MACF1: variants seen among roughly 807,000 people sequenced by gnomAD.
The protein encoded by MACF1 is microtubule-actin cross-linking factor 1.
In MACF1, 193 loss-of-function variants were observed where a neutral mutation model predicts 854.8. The observed-to-expected ratio is 0.23, with a 90% CI of 0.20 to 0.25. MACF1 has a LOEUF of 0.25. Ranked by LOEUF, MACF1 falls within the 10% of genes least tolerant of loss-of-function variation. The pLI is 1.00. For synonymous variants in MACF1, 3,185 were observed against 3,226.7 expected, an observed-to-expected ratio of 0.99 and a Z score of 0.44; for missense variants, 7,722 against 8,929.1, an observed-to-expected ratio of 0.86 and a Z score of 5.45.
chr1:39,284,400 G>A lies in MACF1; in HGVS notation c.1103G>A (p.Arg368Lys). 2 of 1,599,546 alleles carry A rather than the reference G, an allele frequency of 1.3e-6. No individual in the cohort carries two copies. Among genetic ancestry groups the A allele is most frequent in the Admixed American group, 1.8e-5 (1 of 56,034 alleles). ...CTGGCCAAGGAGAGAGAAAAAGGAA[G>A]AATTGAGGAATTATATAAATTACTA... is the stretch of plus-strand genomic sequence containing the variant. Reference protein sequence around the residue: ...EILAKEREKGRIEELYKLLEV... With the variant: ...EILAKEREKGKIEELYKLLEV... Residue 368 changes from arginine to lysine, a missense_variant, in exon 11 of 101, where the codon AGA becomes AAA. By Grantham distance (26) the Arg-to-Lys change is conservative (BLOSUM62 2). This residue lies in a region of MACF1 where 97 missense variants were observed against 130.4 expected (regional missense o/e 0.74). Coordinates refer to ENST00000564288, the MANE Select transcript of MACF1 (RefSeq NM_001394062.1).
At position 39,310,848 on chromosome 1, in the gene MACF1, G is replaced by T. The variant is rs1646285984; in HGVS notation, c.3118G>T (p.Val1040Leu). 1 of 1,612,522 alleles carries T rather than the reference G, an allele frequency of 6.2e-7. No individual in the cohort carries two copies. Among genetic ancestry groups the T allele is most frequent in the Non-Finnish European group, 8.5e-7 (1 of 1,179,264 alleles). Residue 1040 changes from valine to leucine, a missense_variant, in exon 26 of 101, where the codon GTG becomes TTG. Around this residue, in one of 15 missense-constraint regions of MACF1, gnomAD observed 1,137 missense variants for 1,263.0 expected, o/e 0.90. Transcript: ENST00000564288. Reference protein sequence around the residue: ...SMENEDKEETVAKMYISELKN... With the variant: ...SMENEDKEETLAKMYISELKN... ...ATTCACAGAGGACAAAGAGGAGACT[G>T]TGGCCAAGATGTACATTTCAGAGTT... is the stretch of plus-strand genomic sequence containing the variant.
In MACF1 at chr1:39,335,659, A is replaced by T. The variant is rs922913238; in HGVS notation, c.9071A>T (p.Glu3024Val). 1 of 1,614,080 alleles carries T rather than the reference A, an allele frequency of 6.2e-7. No individual in the cohort carries two copies. The highest frequency in any genetic ancestry group is 1.1e-5 in the South Asian group (1 of 91,040). ...KSQPREMTSS[E>V]KGKEADTEMG... ...CAACCTAGGGAAATGACCTCAAGTG[A>T]AAAAGGGAAAGAAGCTGATACAGAA... Residue 3024 changes from glutamate to valine, a missense_variant, in exon 37 of 101, where the codon GAA becomes GTA. By Grantham distance (121) the Glu-to-Val change is moderately radical. Coordinates refer to ENST00000564288, the MANE Select transcript of MACF1 (RefSeq NM_001394062.1).
chr1:39,170,865 A>C (rs1178364635), intron 2 of MACF1, among the ~76,000 whole-genome samples: 1 of 152,218 alleles, frequency 6.6e-6, no homozygotes. Context: ...TTGTTGAAAC[A>C]GATGGTTTCT....
At chr1:39,194,317 ATTTCTTTTCT>A (rs138791842) in intron 2 of MACF1, among the ~76,000 whole-genome samples, 42,534 of 104,472 alleles carry the variant, frequency 0.41, 10,928 homozygotes, top group South Asian at 0.63. Context: ...CAGAAGTGGA[ATTTCTTTTCT>A]TTTCTTTTCT....
chr1:39,318,892 C>T (rs1015193089), intron 30 of MACF1, among the ~76,000 whole-genome samples: 75 of 151,506 alleles, frequency 5.0e-4, no homozygotes, highest in Admixed American at 4.9e-3. Flanking sequence ...TTTTATATTA[C>T]ATTTTATTTT....
intron 1 of MACF1, among the ~76,000 whole-genome samples, chr1:39,214,192 T>C (rs1010911959): frequency 6.6e-6 from 1 of 152,158 alleles, no homozygotes; most frequent in African/African-American, 2.4e-5. Context: ...TAGGCCCTTA[T>C]CTGCAGCGGG....
At position 39,368,205 on chromosome 1, in the gene MACF1, G is replaced by C. The variant is rs1317294862; in HGVS notation, c.12829G>C (p.Val4277Leu). The C allele has an allele frequency of 3.1e-6, 5 of 1,614,122 alleles. No individual in the cohort carries two copies. Among genetic ancestry groups the C allele is most frequent in the Non-Finnish European group, 4.2e-6 (5 of 1,180,016 alleles). The change falls in exon 50 of 101, where the codon GTC (valine) becomes CTC (leucine). Residue 4277 changes from valine to leucine, a missense_variant. By Grantham distance (32) the Val-to-Leu change is conservative. This residue lies in a region of MACF1 where 2,807 missense variants were observed against 3,235.8 expected (regional missense o/e 0.87). Transcript: ENST00000564288. ...QENLDTLEHL[V>L]TELSSCGFAL... is the part of the protein sequence containing the mutation. Reference sequence around the variant, plus strand: ...GAACCTAGATACTCTTGAGCACCTGGTCACTGAACTGAGCTCTTGTGGCTT... The same window carrying C: ...GAACCTAGATACTCTTGAGCACCTGCTCACTGAACTGAGCTCTTGTGGCTT...
chr1:39,284,233 A>T, intron 10 of MACF1, 48 bp downstream of exon 10: 1 of 1,601,556 alleles, frequency 6.2e-7, no homozygotes, highest in Non-Finnish European at 8.5e-7. Context: ...TCTAGGGAGT[A>T]AGTCTCCAAG....
At chr1:39,357,991 C>T in intron 45 of MACF1, 98 bp downstream of exon 45, 1 of 1,232,462 alleles carries the variant, frequency 8.1e-7, no homozygotes, top group Non-Finnish European at 1.1e-6. Context: ...CTCCAGGACA[C>T]AGTAGGAGAG....
In MACF1 at chr1:39,293,512, A is replaced by G. The variant is rs1213906848; in HGVS notation, c.2047A>G (p.Arg683Gly). The change falls in exon 18 of 101, where the codon AGA becomes GGA. Residue 683 changes from arginine to glycine, a missense_variant. Arg to Gly is a moderately radical substitution (Grantham distance 125, BLOSUM62 -2). This residue lies in a region of MACF1 where 1,137 missense variants were observed against 1,263.0 expected (regional missense o/e 0.90). Transcript: ENST00000564288. ...TCAGAGCCTGCATAAATTTGTTTCC[A>G]GAGCTACAGCTGAGTTGATCTGGTT... is the stretch of plus-strand genomic sequence containing the variant. ...HLQSLHKFVS[R>G]ATAELIWLNE... 53 of 1,613,950 alleles carry G rather than the reference A, an allele frequency of 3.3e-5. No individual in the cohort carries two copies. The highest frequency in any genetic ancestry group is 4.1e-5 in the Non-Finnish European group (48 of 1,179,948).
At chr1:39,306,720 A>G (rs1646187259) in intron 23 of MACF1, among the ~76,000 whole-genome samples, 1 of 149,608 alleles carries the variant, frequency 6.7e-6, no homozygotes, top group Admixed American at 6.7e-5. Context: ...CTTATTTATT[A>G]GTGTACTCCC....
At chr1:39,201,709 A>G (rs1004608833), upstream of MACF1, among the ~76,000 whole-genome samples, 43 of 151,960 alleles carry the variant, frequency 2.8e-4, no homozygotes, top group Non-Finnish European at 5.1e-4. Flanking sequence ...AAAGCCCTCC[A>G]ATGGCTTCCC....
intron 2 of MACF1, among the ~76,000 whole-genome samples, chr1:39,134,980 C>T (rs1643127847): frequency 6.6e-6 from 1 of 152,134 alleles, no homozygotes; most frequent in African/African-American, 2.4e-5. Context: ...CACAATTCTA[C>T]TTTCTGTTTC....
intron 70 of MACF1, 132 bp from the exon 71 acceptor site, chr1:39,437,645 T>C: frequency 1.3e-6 from 1 of 795,748 alleles, no homozygotes; most frequent in South Asian, 1.4e-5. Flanking sequence ...CAACACTTAA[T>C]AGCCATTGGG....
chr1:39,414,374 A>G, intron 58 of MACF1: 1 of 1,613,960 alleles, frequency 6.2e-7, no homozygotes, highest in South Asian at 1.1e-5. Context: ...ATGTGGATCA[A>G]GGAGGACCTT....
chr1:39,340,616 C>T lies in MACF1; in HGVS notation c.10330C>T (p.Leu3444=). ...QEVPAQLLKA[L]EKDAKNLQKS... ...AGTTCCTGCTCAACTGTTGAAGGCT[C>T]TAGAGAAAGATGCCAAGAATCTTCA... The change falls in exon 39 of 101, where the codon CTA becomes TTA. Residue 3444 remains leucine (L), a synonymous_variant. Coordinates refer to ENST00000564288, the MANE Select transcript of MACF1 (RefSeq NM_001394062.1). 6.2e-7 allele frequency: 1 copy of T among 1,614,166 alleles called. No homozygotes were observed. Among genetic ancestry groups the T allele is most frequent in the African/African-American group, 1.3e-5 (1 of 75,036 alleles).
At chr1:39,094,801 A>G (rs1478839814) in intron 2 of MACF1, among the ~76,000 whole-genome samples, 2 of 151,900 alleles carry the variant, frequency 1.3e-5, no homozygotes, top group Non-Finnish European at 2.9e-5. Flanking sequence ...CTGAGGTGGG[A>G]GGATTGCTTG....
In MACF1 at chr1:39,340,822, C is replaced by A; in HGVS notation, c.10450C>A (p.His3484Asn). The A allele has an allele frequency of 6.2e-7, 1 of 1,613,080 alleles. No homozygotes were observed. Among genetic ancestry groups the A allele is most frequent in the Non-Finnish European group, 8.5e-7 (1 of 1,179,694 alleles). The stretch of plus-strand genomic sequence containing the variant: ...TTCTTAGACTAAAGTGTTAAATCAG[C>A]ACACACAGCTAGAAGGCCGACTTCA... ...EIEKTKVLNQ[H>N]TQLEGRLQDL... Residue 3484 changes from histidine (H) to asparagine (N), a missense_variant, in exon 40 of 101, where the codon CAC (histidine) becomes AAC (asparagine). His to Asn is a moderately conservative substitution (Grantham distance 68). Coordinates refer to ENST00000564288, the MANE Select transcript of MACF1 (RefSeq NM_001394062.1).
intron 35 of MACF1, among the ~76,000 whole-genome samples, chr1:39,326,596 A>G (rs941626598): frequency 3.4e-5 from 5 of 148,508 alleles, no homozygotes; most frequent in Middle Eastern, 3.3e-3. Context: ...CAGGAGAATC[A>G]CTTGAACCTG....
Sources: gnomAD v4.1 joint callset for allele counts (sites outside exome capture counted in the v4.1 genomes callset) on GRCh38, gnomAD v4.1.1 for gene constraint, gnomAD v4.1.1 regional missense constraint, MANE v1.5 for transcripts, NCBI Gene and HGNC (gene_info 2026-07-23, HGNC 2026-07-21) for gene names.